The following GLIS3 variants were observed in gnomAD, a reference collection of about 807,000 sequenced individuals.
GLIS3 encodes the protein zinc finger protein GLIS3.
In GLIS3, 53 loss-of-function variants were observed where a neutral mutation model predicts 78.6. That is an observed-to-expected ratio of 0.67 (90% confidence interval 0.54 to 0.85). GLIS3 has a LOEUF of 0.85. Ranked by LOEUF, GLIS3 falls within the 40% of genes least tolerant of loss-of-function variation. The pLI is 0.00. For missense variants in GLIS3, 1,703 were observed against 1,231.1 expected (o/e 1.38, Z -5.74); for synonymous variants, 684 against 509.9 (o/e 1.34, Z -4.60).
At chr9:4,246,407 G>C (rs561055525) in intron 2 of GLIS3, among the ~76,000 whole-genome samples, 1 of 152,340 alleles carries the variant, frequency 6.6e-6, no homozygotes, top group African/African-American at 2.4e-5. Context: ...TAGACAGGAA[G>C]TAGACTTCTC....
chr9:3,876,898 A>C (rs1008255598), intron 8 of GLIS3, among the ~76,000 whole-genome samples: 13 of 151,978 alleles, frequency 8.6e-5, no homozygotes, highest in African/African-American at 2.9e-4. Flanking sequence ...ACTTGCCCAC[A>C]GCCAAACAGT....
At chr9:4,006,644 G>A (rs887211039) in intron 4 of GLIS3, among the ~76,000 whole-genome samples, 2 of 152,186 alleles carry the variant, frequency 1.3e-5, no homozygotes. Flanking sequence ...CCATGCACTA[G>A]ATGAAAACAC....
the GLIS3 span, among the ~76,000 whole-genome samples, chr9:4,407,106 A>C: frequency 6.6e-6 from 1 of 152,218 alleles, no homozygotes; most frequent in East Asian, 1.9e-4. Context: ...ACATAGACCA[A>C]TGGAACAGAA....
At chr9:3,916,895 T>C (rs778858350) in intron 6 of GLIS3, among the ~76,000 whole-genome samples, 1 of 152,216 alleles carries the variant, frequency 6.6e-6, no homozygotes, top group Non-Finnish European at 1.5e-5. Context: ...CTTTTATTAG[T>C]ATATTCAAGA....
chr9:3,880,245 C>T (rs559083624), intron 7 of GLIS3, among the ~76,000 whole-genome samples: 2 of 152,234 alleles, frequency 1.3e-5, no homozygotes, highest in South Asian at 2.1e-4. Flanking sequence ...GATCTCCCCC[C>T]ACTGTTGCCC....
chr9:4,443,987 A>C, the GLIS3 span, among the ~76,000 whole-genome samples: 3 of 152,192 alleles, frequency 2.0e-5, no homozygotes, highest in South Asian at 4.2e-4. Context: ...ATACAGTCAA[A>C]GTCTCAGTTA....
intron 4 of GLIS3, among the ~76,000 whole-genome samples, chr9:4,007,530 C>T (rs930336498): frequency 6.6e-6 from 1 of 152,002 alleles, no homozygotes; most frequent in African/African-American, 2.4e-5. Flanking sequence ...ATGGTACTAA[C>T]CATCTCAGGG....
intron 4 of GLIS3, among the ~76,000 whole-genome samples, chr9:3,944,652 G>A (rs1448575892): frequency 6.6e-6 from 1 of 152,184 alleles, no homozygotes; most frequent in Non-Finnish European, 1.5e-5. Context: ...TACTTCAGGG[G>A]TTGACAGACA....
At chr9:4,331,401 T>G (rs530121458) in intron 2 of GLIS3, among the ~76,000 whole-genome samples, 1 of 152,034 alleles carries the variant, frequency 6.6e-6, no homozygotes, top group South Asian at 2.1e-4. Context: ...CTATTCCAAA[T>G]AAGGTCACAT....
At chr9:4,157,305 G>T (rs1181662605) in intron 2 of GLIS3, among the ~76,000 whole-genome samples, 4 of 152,092 alleles carry the variant, frequency 2.6e-5, no homozygotes, top group Non-Finnish European at 5.9e-5. Flanking sequence ...AAATTGGTGT[G>T]ACTTACAGTG....
At chr9:4,236,334 C>A (rs562461930) in intron 2 of GLIS3, among the ~76,000 whole-genome samples, 48 of 152,254 alleles carry the variant, frequency 3.2e-4, no homozygotes, top group Admixed American at 1.7e-3. Flanking sequence ...AGTACGTCTC[C>A]TTCACTTATT....
chr9:4,118,488 G>T lies in GLIS3; in HGVS notation c.990C>A (p.Tyr330Ter), dbSNP rs747283061. ...CCGGCGAAGCCCTCGACCCGTTGAT[G>T]TAGGCCACCAAGGACGTGGGCGACG... ...IRTSPTSLVA[Y>*]INGSRASPAN... is the part of the protein sequence containing the mutation. Residue 330 changes from tyrosine to a stop codon, truncating the protein, a stop_gained, in exon 4 of 11, where the codon TAC becomes TAA. Coordinates refer to ENST00000381971, the MANE Select transcript of GLIS3 (RefSeq NM_001042413.2). LOFTEE classifies it high-confidence loss of function. The surrounding 1 kb of genome is among the most constrained non-coding windows in gnomAD (Gnocchi z 4.7). The T allele has an allele frequency of 6.2e-7, 1 of 1,614,182 alleles. No individual in the cohort carries two copies. The highest frequency in any genetic ancestry group is 8.5e-7 in the Non-Finnish European group (1 of 1,180,032).
intron 4 of GLIS3, among the ~76,000 whole-genome samples, chr9:3,992,975 C>T (rs951624695): frequency 6.6e-6 from 1 of 152,150 alleles, no homozygotes. Flanking sequence ...TGACATGGAG[C>T]CAACCAGCTA....
intron 5 of GLIS3, among the ~76,000 whole-genome samples, chr9:3,935,300 G>A (rs1825829528): frequency 6.6e-6 from 1 of 151,812 alleles, no homozygotes; most frequent in South Asian, 2.1e-4. Context: ...GAGCTTAAAG[G>A]AAAAAATGAT....
intron 2 of GLIS3, among the ~76,000 whole-genome samples, chr9:4,341,023 G>C (rs1817826891): frequency 6.6e-6 from 1 of 152,204 alleles, no homozygotes; most frequent in Non-Finnish European, 1.5e-5. Context: ...ACTGGCATCT[G>C]ACATCCTTGA....
At chr9:4,281,323 C>G (rs1371073197) in intron 2 of GLIS3, among the ~76,000 whole-genome samples, 1 of 152,158 alleles carries the variant, frequency 6.6e-6, no homozygotes, top group South Asian at 2.1e-4. Flanking sequence ...TGTAAGTATA[C>G]AGTTCGGTGG....
chr9:3,915,359 G>A (rs925757699), intron 6 of GLIS3, among the ~76,000 whole-genome samples: 4 of 151,968 alleles, frequency 2.6e-5, no homozygotes, highest in Non-Finnish European at 4.4e-5. Context: ...AGAATGATGA[G>A]GACTGTCAGT....
chr9:3,958,460 G>C (rs548073792), intron 4 of GLIS3, among the ~76,000 whole-genome samples: 2 of 152,258 alleles, frequency 1.3e-5, no homozygotes, highest in South Asian at 2.1e-4. Context: ...TGCTAGTTGG[G>C]GTTGGAGTCA....
intron 2 of GLIS3, among the ~76,000 whole-genome samples, chr9:4,133,522 G>A (rs73394537): frequency 0.032 from 4,826 of 152,174 alleles, 256 homozygotes; most frequent in African/African-American, 0.11. Context: ...GTAGCTAAGA[G>A]CCATAGATTT....
Sources: allele counts gnomAD v4.1 joint callset (sites outside exome capture counted in the v4.1 genomes callset), GRCh38; gene constraint gnomAD v4.1.1; non-coding constraint Gnocchi (gnomAD v3.1); transcripts MANE v1.5; gene names NCBI Gene and HGNC (gene_info 2026-07-23, HGNC 2026-07-21).